The following PTPRD variants were observed in gnomAD, a reference collection of about 807,000 sequenced individuals.
PTPRD encodes the protein receptor-type tyrosine-protein phosphatase delta.
PTPRD carries 34 observed loss-of-function variants against 214.5 expected under a neutral mutation model. The observed-to-expected ratio is 0.16, with a 90% CI of 0.12 to 0.21. PTPRD has a LOEUF of 0.21. Ranked by LOEUF, PTPRD falls within the 10% of genes least tolerant of loss-of-function variation. The pLI is 1.00. For missense variants in PTPRD, 2,545 were observed against 2,398.7 expected, an observed-to-expected ratio of 1.06 and a Z score of -1.27; for synonymous variants, 1,128 against 845.7, an observed-to-expected ratio of 1.33 and a Z score of -5.79.
chr9:8,679,184 G>A (rs1390405380), intron 12 of PTPRD, among the ~76,000 whole-genome samples: 1 of 152,122 alleles, frequency 6.6e-6, no homozygotes, highest in Non-Finnish European at 1.5e-5. Flanking sequence ...TGAATTTCTG[G>A]AATCCTAAAA....
intron 9 of PTPRD, among the ~76,000 whole-genome samples, chr9:9,395,729 A>G (rs1160727858): frequency 6.6e-6 from 1 of 152,054 alleles, no homozygotes. Flanking sequence ...AGCTGAACAA[A>G]TAGACTGGAA....
intron 5 of PTPRD, among the ~76,000 whole-genome samples, chr9:9,842,660 TA>T (rs1291483969): frequency 1.3e-5 from 2 of 151,182 alleles, no homozygotes; most frequent in African/African-American, 4.9e-5. Context: ...ATCAACTATC[TA>T]AAAAAGTTGT....
At chr9:10,571,008 A>G (rs561473147) in intron 2 of PTPRD, among the ~76,000 whole-genome samples, 120 of 152,234 alleles carry the variant, frequency 7.9e-4, no homozygotes, top group Admixed American at 1.9e-3. Context: ...CCAGAAGGTC[A>G]TGCTGCTGGT....
chr9:9,759,375 C>T (rs1200460335), intron 6 of PTPRD, among the ~76,000 whole-genome samples: 1 of 152,126 alleles, frequency 6.6e-6, no homozygotes, highest in South Asian at 2.1e-4. Flanking sequence ...GTCCCCACAA[C>T]CCAGTAATTA....
At chr9:9,069,835 A>G (rs567645372) in intron 10 of PTPRD, among the ~76,000 whole-genome samples, 5 of 152,318 alleles carry the variant, frequency 3.3e-5, no homozygotes, top group African/African-American at 1.2e-4. Flanking sequence ...TATAAAAATG[A>G]GTTCACTAAA....
At chr9:9,426,623 G>A (rs2081038929) in intron 8 of PTPRD, among the ~76,000 whole-genome samples, 1 of 152,194 alleles carries the variant, frequency 6.6e-6, no homozygotes, top group Non-Finnish European at 1.5e-5. Context: ...GTGGGACCCT[G>A]ACCCCCGAGT....
chr9:8,932,021 T>C (rs896783831), intron 11 of PTPRD, among the ~76,000 whole-genome samples: 1 of 152,180 alleles, frequency 6.6e-6, no homozygotes, highest in Non-Finnish European at 1.5e-5. Context: ...TCCTTTATAA[T>C]TTTTTAGTGT....
intron 3 of PTPRD, among the ~76,000 whole-genome samples, chr9:10,156,465 G>C (rs776394506): frequency 6.6e-6 from 1 of 152,064 alleles, no homozygotes; most frequent in Admixed American, 6.6e-5. Context: ...CTTTAGTCTT[G>C]ATTTCTAATT....
At chr9:9,822,666 CAT>C (rs923383086) in intron 5 of PTPRD, among the ~76,000 whole-genome samples, 1 of 151,716 alleles carries the variant, frequency 6.6e-6, no homozygotes, top group African/African-American at 2.4e-5. Flanking sequence ...ACAGTCAAAA[CAT>C]ATCTTCATAA....
chr9:10,600,463 G>C (rs1207998756), intron 2 of PTPRD, among the ~76,000 whole-genome samples: 1 of 151,694 alleles, frequency 6.6e-6, no homozygotes, highest in East Asian at 1.9e-4. Context: ...ACAGATGTTA[G>C]AGCAACATCT....
chr9:8,581,805 G>T (rs1423536730), intron 14 of PTPRD, among the ~76,000 whole-genome samples: 1 of 141,326 alleles, frequency 7.1e-6, no homozygotes, highest in Non-Finnish European at 1.5e-5. Context: ...AGAGGTGAGG[G>T]GAGGGAAGGG....
chr9:8,981,026 T>C (rs748586884), intron 11 of PTPRD, among the ~76,000 whole-genome samples: 7 of 152,088 alleles, frequency 4.6e-5, no homozygotes, highest in Non-Finnish European at 4.4e-5. Context: ...CCCATAATCT[T>C]TGAGCAGCAT....
intron 12 of PTPRD, among the ~76,000 whole-genome samples, chr9:8,675,691 T>A (rs59819097): frequency 1.3e-5 from 2 of 151,968 alleles, no homozygotes; most frequent in African/African-American, 4.8e-5. Flanking sequence ...TGTGGACCCA[T>A]CATCTCACGT....
At chr9:8,385,627 G>A (rs1210780041) in intron 37 of PTPRD, among the ~76,000 whole-genome samples, 2 of 152,134 alleles carry the variant, frequency 1.3e-5, no homozygotes, top group Non-Finnish European at 2.9e-5. Flanking sequence ...CCAAAAAAGG[G>A]GAGAGGGGAT....
chr9:9,144,263 C>A (rs563090151), intron 10 of PTPRD, among the ~76,000 whole-genome samples: 2 of 152,272 alleles, frequency 1.3e-5, no homozygotes, highest in South Asian at 4.1e-4. Context: ...TGCATTCTAC[C>A]TGGTAATGGC....
intron 3 of PTPRD, among the ~76,000 whole-genome samples, chr9:10,241,017 G>A (rs1468748497): frequency 7.6e-5 from 11 of 144,880 alleles, no homozygotes; most frequent in African/African-American, 7.7e-5. Flanking sequence ...TACCAGAGTA[G>A]AAAAAAAAAA....
chr9:8,744,035 G>A (rs949844009), intron 11 of PTPRD, among the ~76,000 whole-genome samples: 3 of 151,608 alleles, frequency 2.0e-5, no homozygotes, highest in African/African-American at 4.8e-5. Flanking sequence ...ATGGAAAAAC[G>A]CTCACAAAAT....
intron 3 of PTPRD, among the ~76,000 whole-genome samples, chr9:10,069,495 C>T (rs1388151437): frequency 6.6e-6 from 1 of 151,894 alleles, no homozygotes; most frequent in Admixed American, 6.6e-5. Context: ...TGAATAGCTC[C>T]AGTGGAGTTG....
At chr9:9,975,480 T>G (rs1270757357) in intron 4 of PTPRD, among the ~76,000 whole-genome samples, 1 of 152,242 alleles carries the variant, frequency 6.6e-6, no homozygotes, top group Non-Finnish European at 1.5e-5. Context: ...GTTGAGCCAC[T>G]CTGAGTGAGG....
Sources: gnomAD v4.1 joint callset for allele counts (sites outside exome capture counted in the v4.1 genomes callset) on GRCh38, gnomAD v4.1.1 for gene constraint, MANE v1.5 for transcripts, NCBI Gene and HGNC (gene_info 2026-07-23, HGNC 2026-07-21) for gene names.